SARNP: variants seen among roughly 807,000 people sequenced by gnomAD.
SARNP encodes the protein SAP domain containing ribonucleoprotein.
SARNP carries 5 observed loss-of-function variants against 38.1 expected under a neutral mutation model. The observed-to-expected ratio is 0.13, with a 90% CI of 0.07 to 0.28. SARNP has a LOEUF of 0.28. SARNP is among the 10% of genes least tolerant of loss of function. The pLI is 1.00. For synonymous variants in SARNP, 84 were observed against 80.6 expected, an observed-to-expected ratio of 1.04 and a Z score of -0.23; for missense variants, 180 against 243.9, an observed-to-expected ratio of 0.74 and a Z score of 1.75.
chr12:55,775,947 C>G (rs1440922997), intron 9 of SARNP, among the ~76,000 whole-genome samples: 2 of 152,106 alleles, frequency 1.3e-5, no homozygotes, highest in East Asian at 3.9e-4. Flanking sequence ...ACATGAGGAG[C>G]CTTTAACCAA....
intron 1 of SARNP, among the ~76,000 whole-genome samples, chr12:55,805,714 G>A (rs1333578107): frequency 4.6e-5 from 7 of 152,178 alleles, no homozygotes; most frequent in African/African-American, 1.7e-4. Flanking sequence ...GGGCATGGTG[G>A]CAGGTGCTTA....
intron 4 of SARNP, among the ~76,000 whole-genome samples, chr12:55,799,552 T>G (rs2136200294): frequency 1.1e-5 from 1 of 90,656 alleles, no homozygotes; most frequent in African/African-American, 4.3e-5. Flanking sequence ...TTATATAGAG[T>G]GTCACACTTT....
In SARNP at chr12:55,817,712, C is replaced by T; in HGVS notation, c.-11G>A. On this transcript the variant is annotated 5_prime_UTR_variant, in exon 1 of 11. Transcript: ENST00000336133. ...CGTCTCGGTCGCCATCTTGTTACCC[C>T]TCACTCCACTAGGCCCCCACCCGCG... 6 of 1,612,596 alleles carry T rather than the reference C, an allele frequency of 3.7e-6. No individual in the cohort carries two copies. Among genetic ancestry groups the T allele is most frequent in the Non-Finnish European group, 5.1e-6 (6 of 1,179,412 alleles).
chr12:55,801,907 C>T (rs1052154872), intron 2 of SARNP, among the ~76,000 whole-genome samples: 18 of 152,116 alleles, frequency 1.2e-4, no homozygotes, highest in Admixed American at 6.6e-5. Flanking sequence ...ATGAACCACC[C>T]CGCACAGCCA....
chr12:55,793,398 G>A (rs1275943012), intron 7 of SARNP: 1 of 152,060 alleles, frequency 6.6e-6, no homozygotes, highest in Non-Finnish European at 1.5e-5. Context: ...ACCAACCAGA[G>A]ATAAGAGTAT....
At chr12:55,784,582 T>C (rs900612615) in intron 9 of SARNP, among the ~76,000 whole-genome samples, 2 of 152,248 alleles carry the variant, frequency 1.3e-5, no homozygotes, top group Admixed American at 1.3e-4. Flanking sequence ...TCTACAATTA[T>C]TTAAAAAAAT....
intron 2 of SARNP, among the ~76,000 whole-genome samples, chr12:55,803,158 T>TA (rs1880034288): frequency 6.6e-6 from 1 of 151,956 alleles, no homozygotes; most frequent in Non-Finnish European, 1.5e-5. Context: ...AAATAAAAAT[T>TA]AGATAGAGGA....
chr12:55,798,125 T>C (rs1879872595), intron 4 of SARNP, among the ~76,000 whole-genome samples: 1 of 152,224 alleles, frequency 6.6e-6, no homozygotes. Context: ...TTCAAGGCAC[T>C]ATATCTAATT....
At chr12:55,787,991 C>A (rs1035785903) in intron 9 of SARNP, among the ~76,000 whole-genome samples, 1 of 151,700 alleles carries the variant, frequency 6.6e-6, no homozygotes, top group African/African-American at 2.4e-5. Context: ...CCTCGTGATC[C>A]GCACATCTCC....
intron 1 of SARNP, among the ~76,000 whole-genome samples, chr12:55,810,269 C>T (rs1481223143): frequency 6.6e-6 from 1 of 151,918 alleles, no homozygotes; most frequent in Non-Finnish European, 1.5e-5. Context: ...TGTGCCACCA[C>T]AGCCAGCTAA....
intron 2 of SARNP, among the ~76,000 whole-genome samples, chr12:55,801,927 T>C (rs1193982206): frequency 6.6e-6 from 1 of 152,120 alleles, no homozygotes; most frequent in Non-Finnish European, 1.5e-5. Context: ...AAAGAAGATA[T>C]TTGTGCCTAA....
intron 9 of SARNP, among the ~76,000 whole-genome samples, chr12:55,767,720 G>A (rs1319056928): frequency 4.0e-5 from 6 of 151,636 alleles, no homozygotes; most frequent in South Asian, 2.1e-4. Context: ...GGTGGCGGGC[G>A]CCTGTAGTCC....
At chr12:55,789,943 C>CAA (rs1158181574) in intron 8 of SARNP, among the ~76,000 whole-genome samples, 14 of 45,734 alleles carry the variant, frequency 3.1e-4, no homozygotes, top group South Asian at 7.3e-4. Flanking sequence ...AACTCCGTCT[C>CAA]AAAAAAAAAA....
chr12:55,806,660 C>T (rs1880153883), intron 1 of SARNP, among the ~76,000 whole-genome samples: 1 of 152,206 alleles, frequency 6.6e-6, no homozygotes, highest in African/African-American at 2.4e-5. Flanking sequence ...CAACCTCTGC[C>T]TCCCGATTAG....
chr12:55,791,678 G>C (rs1879673767), intron 7 of SARNP, among the ~76,000 whole-genome samples: 1 of 151,286 alleles, frequency 6.6e-6, no homozygotes, highest in Admixed American at 6.6e-5. Flanking sequence ...CTGGGCGACA[G>C]AGCAAGACTC....
intron 7 of SARNP, among the ~76,000 whole-genome samples, chr12:55,791,883 T>C (rs1383494773): frequency 2.0e-5 from 3 of 152,208 alleles, no homozygotes; most frequent in Non-Finnish European, 4.4e-5. Context: ...AGTTACTCTA[T>C]AGTTCTAAGA....
At chr12:55,814,036 C>A (rs1480250869) in intron 1 of SARNP, among the ~76,000 whole-genome samples, 1 of 152,102 alleles carries the variant, frequency 6.6e-6, no homozygotes. Context: ...ATAACAAATG[C>A]TAAGTGTTGG....
chr12:55,780,580 G>T (rs1879315326), intron 9 of SARNP, among the ~76,000 whole-genome samples: 1 of 152,188 alleles, frequency 6.6e-6, no homozygotes. Context: ...TGAAGCAGGA[G>T]AATCACTTGA....
intron 9 of SARNP, chr12:55,762,121 T>C (rs1187623157): frequency 6.6e-6 from 1 of 152,062 alleles, no homozygotes; most frequent in Non-Finnish European, 1.5e-5. Context: ...AACCCATCTT[T>C]ACTAAACATA....
Sources: gnomAD v4.1 joint callset for allele counts (sites outside exome capture counted in the v4.1 genomes callset) on GRCh38, gnomAD v4.1.1 for gene constraint, MANE v1.5 for transcripts, NCBI Gene and HGNC (gene_info 2026-07-23, HGNC 2026-07-21) for gene names.